Variants in LYST observed in about 807,000 individuals in gnomAD.
LYST encodes lysosomal-trafficking regulator.
LYST carries 192 observed loss-of-function variants against 413.6 expected under a neutral mutation model. That is an observed-to-expected ratio of 0.46 (90% confidence interval 0.41 to 0.52). The LOEUF is 0.52. Ranked by LOEUF, LYST falls within the 20% of genes least tolerant of loss-of-function variation. LYST has a pLI of 0.00. For missense variants in LYST, 3,815 were observed against 4,499.9 expected (o/e 0.85, Z 4.35); for synonymous variants, 1,525 against 1,567.3 (o/e 0.97, Z 0.64).
intron 31 of LYST, chr1:235,738,571 G>T: frequency 6.2e-7 from 1 of 1,610,632 alleles, no homozygotes; most frequent in Non-Finnish European, 8.5e-7. Context: ...TGAGTCCTTG[G>T]GGAACATGGA....
intron 38 of LYST, among the ~76,000 whole-genome samples, chr1:235,727,623 T>C (rs1664004466): frequency 6.6e-6 from 1 of 152,284 alleles, no homozygotes; most frequent in South Asian, 2.1e-4. Flanking sequence ...TATGTCTATT[T>C]TCTGATTAAT....
At chr1:235,689,740 T>C (rs1660510049) in intron 47 of LYST, among the ~76,000 whole-genome samples, 1 of 152,232 alleles carries the variant, frequency 6.6e-6, no homozygotes, top group African/African-American at 2.4e-5. Context: ...AATGTATATA[T>C]ACATGTATTA....
At chr1:235,834,921 ATT>A (rs920477576) in intron 1 of LYST, among the ~76,000 whole-genome samples, 1 of 147,708 alleles carries the variant, frequency 6.8e-6, no homozygotes, top group African/African-American at 2.5e-5. Flanking sequence ...TATCATGCAA[ATT>A]TTTTTTTTTT....
chr1:235,727,800 G>A (rs934232539), intron 38 of LYST, among the ~76,000 whole-genome samples: 3 of 152,176 alleles, frequency 2.0e-5, no homozygotes, highest in Non-Finnish European at 2.9e-5. Context: ...ACGGAGGACA[G>A]TAATAAGAAG....
intron 44 of LYST, among the ~76,000 whole-genome samples, chr1:235,706,145 G>A (rs1661969940): frequency 6.6e-6 from 1 of 152,130 alleles, no homozygotes; most frequent in Non-Finnish European, 1.5e-5. Context: ...TCAAAAATCA[G>A]ACCCGAAGCC....
At chr1:235,777,418 T>C in intron 16 of LYST, 110 bp from the exon 17 acceptor site, 1 of 944,136 alleles carries the variant, frequency 1.1e-6, no homozygotes. Flanking sequence ...TCCTTTTCTT[T>C]GTTTAAAAAA....
rs1406277802 is a variant in LYST, at chr1:235,806,418, A to G, written c.2718T>C (p.Phe906=). 6 of 1,614,078 alleles carry G rather than the reference A, an allele frequency of 3.7e-6. No individual in the cohort carries two copies. The East Asian group carries it at 1.3e-4, about 36-fold the overall frequency. The change falls in exon 6 of 53, where the codon TTT becomes TTC. Residue 906 remains phenylalanine, a synonymous_variant. Coordinates refer to ENST00000389793, the MANE Select transcript of LYST (RefSeq NM_000081.4). ...ACTCTGCTTCTTTACTTACGCATAAAAAAGCCACACAGAGGAATAGGTTTA... is the reference window on the plus strand; with the variant it reads ...ACTCTGCTTCTTTACTTACGCATAAGAAAGCCACACAGAGGAATAGGTTTA... The part of the protein sequence containing the change: ...NTINLFLCVA[F]LCVSKEAESD...
intron 14 of LYST, among the ~76,000 whole-genome samples, chr1:235,783,429 A>G (rs1019963829): frequency 2.6e-5 from 4 of 152,224 alleles, no homozygotes; most frequent in African/African-American, 4.8e-5. Flanking sequence ...TAGTTTTTCA[A>G]TGAGAACATA....
At chr1:235,827,388 T>C (rs1338616975) in intron 3 of LYST, 7 of 963,174 alleles carry the variant, frequency 7.3e-6, no homozygotes, top group Middle Eastern at 5.3e-4. Context: ...TAAATAAATA[T>C]TAATAAAGCA....
intron 50 of LYST, among the ~76,000 whole-genome samples, chr1:235,671,368 C>T (rs951363299): frequency 2.6e-5 from 4 of 152,136 alleles, no homozygotes; most frequent in Non-Finnish European, 4.4e-5. Context: ...TTGTCAAATG[C>T]TTTTTTCTGT....
chr1:235,760,318 T>C (rs1162811740), intron 22 of LYST, among the ~76,000 whole-genome samples: 3 of 152,032 alleles, frequency 2.0e-5, no homozygotes, highest in East Asian at 1.9e-4. Context: ...GCTCAACATA[T>C]AACAGGTGCT....
intron 3 of LYST, among the ~76,000 whole-genome samples, chr1:235,825,524 T>C (rs1030734570): frequency 2.6e-5 from 4 of 152,302 alleles, no homozygotes; most frequent in African/African-American, 7.2e-5. Context: ...CGAAAAGCAA[T>C]TGTATTTCTA....
chr1:235,724,094 T>C lies in LYST; in HGVS notation c.9249A>G (p.Arg3083=). Residue 3083 remains arginine, a synonymous_variant, in exon 39 of 53, where the codon AGA becomes AGG. Transcript: ENST00000389793. ...KEVHKRWWQL[R]DNAVEIFLTN... ...TTAGAAAGATTTCTACAGCATTATC[T>C]CTCAATTGCCACCAACGCTTGTGAA... is the stretch of plus-strand genomic sequence containing the variant. The C allele has an allele frequency of 1.2e-6, 2 of 1,613,436 alleles. No homozygotes were observed. The highest frequency in any genetic ancestry group is 1.7e-6 in the Non-Finnish European group (2 of 1,179,380).
chr1:235,844,561 T>G (rs185754617), intron 1 of LYST, among the ~76,000 whole-genome samples: 200 of 152,310 alleles, frequency 1.3e-3, no homozygotes, highest in Non-Finnish European at 2.1e-3. Flanking sequence ...CTTCTGTCGA[T>G]TAGAAATTAG....
chr1:235,744,285 T>A (rs1366622036), intron 29 of LYST, 128 bp from the exon 30 acceptor site: 11 of 643,594 alleles, frequency 1.7e-5, no homozygotes, highest in Non-Finnish European at 1.4e-5. Flanking sequence ...TAAATGTGTA[T>A]CAGGTGTATT....
intron 37 of LYST, 31 bp from the exon 38 acceptor site, chr1:235,728,162 A>G: frequency 1.3e-6 from 2 of 1,496,074 alleles, no homozygotes; most frequent in Non-Finnish European, 1.9e-6. Flanking sequence ...TAAGGGTTTT[A>G]AAATGTATGT....
intron 45 of LYST, among the ~76,000 whole-genome samples, 187 bp from the exon 46 acceptor site, chr1:235,697,459 T>C (rs1175137384): frequency 2.0e-5 from 3 of 152,222 alleles, no homozygotes. Flanking sequence ...TGTCCCTTAT[T>C]TGAGTTTTAC....
At chr1:235,825,003 G>A (rs1675177715) in intron 3 of LYST, among the ~76,000 whole-genome samples, 1 of 152,196 alleles carries the variant, frequency 6.6e-6, no homozygotes, top group African/African-American at 2.4e-5. Flanking sequence ...CTGGGCGACA[G>A]AGTTGAGACT....
intron 34 of LYST, among the ~76,000 whole-genome samples, chr1:235,732,167 T>C (rs1664442735): frequency 6.6e-6 from 1 of 152,210 alleles, no homozygotes; most frequent in African/African-American, 2.4e-5. Flanking sequence ...ATTATCTTTA[T>C]CTCATCATTT....
Sources: allele counts gnomAD v4.1 joint callset (sites outside exome capture counted in the v4.1 genomes callset), GRCh38; gene constraint gnomAD v4.1.1; transcripts MANE v1.5; gene names NCBI Gene and HGNC (gene_info 2026-07-23, HGNC 2026-07-21).